The following YWHAB variants were observed in gnomAD, a reference collection of about 807,000 sequenced individuals.
YWHAB encodes 14-3-3 protein beta/alpha.
Under a neutral mutation model 28.5 loss-of-function variants are expected in YWHAB, and 2 were observed. The ratio of observed to expected loss-of-function variants is 0.07; its 90% CI spans 0.03 to 0.22. YWHAB has a LOEUF of 0.22. Ranked by LOEUF, YWHAB falls within the 10% of genes least tolerant of loss-of-function variation. The pLI, the probability that YWHAB is intolerant of heterozygous loss-of-function variation, is 1.00. For missense variants in YWHAB, 148 were observed against 297.1 expected (o/e 0.50, Z 3.69); for synonymous variants, 103 against 104.7 (o/e 0.98, Z 0.10).
intron 1 of YWHAB, among the ~76,000 whole-genome samples, chr20:44,889,574 A>G (rs1006055162): frequency 3.3e-5 from 5 of 151,952 alleles, no homozygotes; most frequent in African/African-American, 1.2e-4. Flanking sequence ...TTATTTCTGA[A>G]TGGCCTTGAC....
rs2066673040 is a variant in YWHAB, at chr20:44,908,372, T to C, written c.*1934T>C. 1 of 152,624 alleles carries C rather than the reference T, an allele frequency of 6.6e-6. No homozygotes were observed. Among genetic ancestry groups the C allele is most frequent in the African/African-American group, 2.4e-5 (1 of 41,442 alleles). 9.5% of individuals were successfully genotyped at this position (152,624 alleles called of 1,614,324 possible). On this transcript the variant is annotated 3_prime_UTR_variant, in exon 6 of 6. Transcript: ENST00000353703. ...ATTGCCTAGCAAGCACACCCGTGGTTGTGAAAATAGTATAGCAAAAAAGAA... is the reference window on the plus strand; with the variant it reads ...ATTGCCTAGCAAGCACACCCGTGGTCGTGAAAATAGTATAGCAAAAAAGAA...
In YWHAB at chr20:44,905,130, C is replaced by T. The variant is rs146766895; in HGVS notation, c.587C>T (p.Thr196Met). ...GAAAAGGCCTGTAGCCTGGCAAAAA[C>T]GGTGAGAAAGACCCTTTGTGATATC... Reference protein sequence around the residue: ...SPEKACSLAKTAFDEAIAELD... With the variant: ...SPEKACSLAKMAFDEAIAELD... Residue 196 changes from threonine to methionine, a missense_variant and splice_region_variant, in exon 4 of 6, where the codon ACG becomes ATG. Physicochemically the swap from Thr to Met is moderately conservative, Grantham distance 81. Around this residue, in one of 2 missense-constraint regions of YWHAB, gnomAD observed 38 missense variants for 119.2 expected, o/e 0.32. Coordinates refer to ENST00000353703, the MANE Select transcript of YWHAB (RefSeq NM_139323.4). 174 of 1,604,676 alleles carry T rather than the reference C, an allele frequency of 1.1e-4. No individual in the cohort carries two copies. The highest frequency in any genetic ancestry group is 1.7e-4 in the Middle Eastern group (1 of 6,052).
rs1157941195 is a variant in YWHAB, at chr20:44,905,100, C to T, written c.557C>T (p.Ser186Phe). ...GTCTTTTACTATGAGATTCTAAACT[C>T]TCCTGAAAAGGCCTGTAGCCTGGCA... Reference protein sequence around the residue: ...FSVFYYEILNSPEKACSLAKT... With the variant: ...FSVFYYEILNFPEKACSLAKT... Residue 186 changes from serine to phenylalanine, a missense_variant, in exon 4 of 6, where the codon TCT becomes TTT. Physicochemically the swap from Ser to Phe is radical, Grantham distance 155. This residue lies in a region of YWHAB where 38 missense variants were observed against 119.2 expected (regional missense o/e 0.32). Transcript: ENST00000353703. 1 of 1,612,148 alleles carries T rather than the reference C, an allele frequency of 6.2e-7. No individual in the cohort carries two copies. Among genetic ancestry groups the T allele is most frequent in the South Asian group, 1.1e-5 (1 of 90,720 alleles).
chr20:44,890,268 A>AAT (rs2066552511), intron 1 of YWHAB, among the ~76,000 whole-genome samples: 1 of 152,194 alleles, frequency 6.6e-6, no homozygotes, highest in African/African-American at 2.4e-5. Flanking sequence ...TATTAGTCAA[A>AAT]ATGTATAGTG....
intron 1 of YWHAB, among the ~76,000 whole-genome samples, chr20:44,893,238 G>GT (rs1482634418): frequency 1.3e-5 from 2 of 152,122 alleles, no homozygotes; most frequent in Non-Finnish European, 2.9e-5. Context: ...GGGCTAGGCT[G>GT]TTTCCTAGAT....
Position 44,908,175 on chromosome 20 carries a change from A to G in YWHAB, c.*1737A>G, listed in dbSNP as rs1443235873. The stretch of plus-strand genomic sequence containing the variant: ...ACAAACCAAAAAAAAAGAAAAAAAC[A>G]AAAAAAAAAATCCCTCCTTTCTAGC... On this transcript the variant is annotated 3_prime_UTR_variant, in exon 6 of 6. Coordinates refer to ENST00000353703, the MANE Select transcript of YWHAB (RefSeq NM_139323.4). The G allele has an allele frequency of 5.0e-4, 47 of 94,782 alleles. No individual in the cohort carries two copies. The highest frequency in any genetic ancestry group is 2.0e-3 in the African/African-American group (43 of 21,272). 5.9% of individuals were successfully genotyped at this position (94,782 alleles called of 1,614,324 possible). A position where few individuals can be genotyped will look rare whatever the true frequency, so the allele number is the denominator to read the frequency against.
intron 1 of YWHAB, among the ~76,000 whole-genome samples, chr20:44,894,737 ATCTTCACAGCAACTCTACTGAGG>A (rs1452988884): frequency 6.6e-6 from 1 of 152,206 alleles, no homozygotes; most frequent in Non-Finnish European, 1.5e-5. Context: ...CCTGCGCCTC[ATCTTCACAGCAACTCTACTGAGG>A]TAGATGCCAT....
chr20:44,885,803 C>T lies in YWHAB; in HGVS notation c.-87C>T, dbSNP rs1029734197. The T allele has an allele frequency of 5.9e-6, 1 of 170,624 alleles. No homozygotes were observed. Among genetic ancestry groups the T allele is most frequent in the Admixed American group, 6.5e-5 (1 of 15,408 alleles). The allele number at this position is 170,624 out of a possible 1,614,324, so 10.6% of individuals were successfully genotyped here. ...CCACTGCAGGCACCGCTGCCGCCGC[C>T]TGAGTAGTGGGCTTAGGAAGGAAGA... On this transcript the variant is annotated 5_prime_UTR_variant, in exon 1 of 6. Coordinates refer to ENST00000353703, the MANE Select transcript of YWHAB (RefSeq NM_139323.4).
chr20:44,905,415 A>G (rs1239975230), intron 4 of YWHAB: 1 of 283,872 alleles, frequency 3.5e-6, no homozygotes, highest in East Asian at 6.8e-5. Flanking sequence ...TTGGTTATAC[A>G]TTGTCATTCT....
In YWHAB at chr20:44,896,201, TA is replaced by T. The variant is rs909946941; in HGVS notation, c.-3-5327del. 1.4e-3 allele frequency among the ~76,000 whole-genome samples: 215 copies of T among 152,374 alleles called. 1 individual carries two copies. The highest frequency in any genetic ancestry group is 5.0e-3 in the African/African-American group (206 of 41,580). ...TGGTAGCTGCATTTAAAAATTTTTT[TA>T]AAGTGAAATTGATTCTATCTGTTTT... On this transcript the variant is annotated intron_variant, in intron 1 of 5. Coordinates refer to ENST00000353703, the MANE Select transcript of YWHAB (RefSeq NM_139323.4).
Position 44,906,530 on chromosome 20 carries a change from GAA to G in YWHAB, c.*93_*94del. ...AAAAAAAAAAAAAAAAAAAAAAAGAGAATCGTACGTCGACTTTCGATTTTTCA... is the reference window on the plus strand; with the variant it reads ...AAAAAAAAAAAAAAAAAAAAAAAGAGTCGTACGTCGACTTTCGATTTTTCA... On this transcript the variant is annotated 3_prime_UTR_variant, in exon 6 of 6. Coordinates refer to ENST00000353703, the MANE Select transcript of YWHAB (RefSeq NM_139323.4). The G allele has an allele frequency of 1.2e-6, 1 of 843,634 alleles. No homozygotes were observed. Among genetic ancestry groups the G allele is most frequent in the Non-Finnish European group, 1.7e-6 (1 of 584,872 alleles). 52.3% of individuals were successfully genotyped at this position (843,634 alleles called of 1,614,324 possible).
rs977180638 is a variant in YWHAB at position 44,907,492 on chromosome 20, T to C, written c.*1054T>C. 1.2e-4 allele frequency: 19 copies of C among 152,208 alleles called. 1 individual carries two copies. Among genetic ancestry groups the C allele is most frequent in the African/African-American group, 4.6e-4 (19 of 41,452 alleles). 9.4% of individuals were successfully genotyped at this position (152,208 alleles called of 1,614,324 possible). On this transcript the variant is annotated 3_prime_UTR_variant, in exon 6 of 6. Transcript: ENST00000353703. ...AAACAAAAAAAGGAATGATGTTCTG[T>C]AGAGATGGCCTTTCACTTGAGGAGT...
intron 2 of YWHAB, chr20:44,902,171 G>T (rs190333383): frequency 5.2e-6 from 1 of 191,312 alleles, no homozygotes; most frequent in African/African-American, 2.3e-5. Flanking sequence ...GTGTATATTA[G>T]TCAGAGTAGT....
intron 2 of YWHAB, chr20:44,902,951 C>G (rs1483806420): frequency 4.6e-6 from 3 of 646,970 alleles, no homozygotes; most frequent in Non-Finnish European, 5.8e-6. Flanking sequence ...CAAGAAAGTT[C>G]CATAATTCAT....
intron 5 of YWHAB, 67 bp downstream of exon 5, chr20:44,906,163 C>T: frequency 1.5e-6 from 2 of 1,335,288 alleles, no homozygotes; most frequent in Non-Finnish European, 2.1e-6. Flanking sequence ...TCACTGTTAT[C>T]TTCAAGAGGG....
At chr20:44,893,577 T>C (rs1268638924) in intron 1 of YWHAB, among the ~76,000 whole-genome samples, 1 of 152,104 alleles carries the variant, frequency 6.6e-6, no homozygotes, top group African/African-American at 2.4e-5. Context: ...AAATAAAATA[T>C]TGTGCAGCCT....
Position 44,906,524 on chromosome 20 carries a change from AAAAG to A in YWHAB, c.*88_*91del, listed in dbSNP as rs1166009694. ...TGCGATAAAAAAAAAAAAAAAAAAA[AAAAG>A]AGAATCGTACGTCGACTTTCGATTT... On this transcript the variant is annotated 3_prime_UTR_variant, in exon 6 of 6. Coordinates refer to ENST00000353703, the MANE Select transcript of YWHAB (RefSeq NM_139323.4). 107 of 674,868 alleles carry A rather than the reference AAAAG, an allele frequency of 1.6e-4. 4 individuals carry two copies. The highest frequency in any genetic ancestry group is 2.3e-4 in the South Asian group (8 of 34,558). The allele number at this position is 674,868 out of a possible 1,614,324, so 41.8% of individuals were successfully genotyped here.
At chr20:44,890,822 A>T (rs2066557193) in intron 1 of YWHAB, among the ~76,000 whole-genome samples, 1 of 151,986 alleles carries the variant, frequency 6.6e-6, no homozygotes, top group East Asian at 1.9e-4. Context: ...TTCCTACTTT[A>T]AGCTCACAAT....
In YWHAB at chr20:44,906,103, A is replaced by C. The variant is rs553553500; in HGVS notation, c.684+7A>C. 1 of 1,601,124 alleles carries C rather than the reference A, an allele frequency of 6.2e-7. No individual in the cohort carries two copies. Among genetic ancestry groups the C allele is most frequent in the Non-Finnish European group, 8.6e-7 (1 of 1,168,668 alleles). ...ACTTAGGGACAATCTCACTGTAAGT[A>C]CTACTTCCACAGGGTTTATAGTCTC... On this transcript the variant is annotated splice_region_variant and intron_variant, in intron 5 of 5. Transcript: ENST00000353703.
Sources: gnomAD v4.1 joint callset for allele counts (sites outside exome capture counted in the v4.1 genomes callset) on GRCh38, gnomAD v4.1.1 for gene constraint, gnomAD v4.1.1 regional missense constraint, MANE v1.5 for transcripts, NCBI Gene and HGNC (gene_info 2026-07-23, HGNC 2026-07-21) for gene names.